Variants in CD33 observed in about 807,000 individuals in gnomAD.
CD33 encodes the protein CD33 molecule, also known as myeloid cell surface antigen CD33.
In CD33, 25 loss-of-function variants were observed where a neutral mutation model predicts 31.4. The observed-to-expected ratio is 0.80, with a 90% confidence interval of 0.58 to 1.11. The LOEUF is 1.11. Ranked by LOEUF, CD33 falls within the 50% of genes most tolerant of loss-of-function variation. The pLI is 0.00. For missense variants in CD33, 407 were observed against 448.1 expected, an observed-to-expected ratio of 0.91 and a Z score of 0.83; for synonymous variants, 176 against 180.6, an observed-to-expected ratio of 0.97 and a Z score of 0.20.
chr19:51,211,264 C>T, the CD33 span: 13 of 1,576,588 alleles, frequency 8.2e-6, 1 homozygote, highest in Non-Finnish European at 1.1e-5. Flanking sequence ...AGTGACGGTA[C>T]AGGAGGGTTT....
At chr19:51,214,937 T>C in the CD33 span, among the ~76,000 whole-genome samples, 1 of 152,238 alleles carries the variant, frequency 6.6e-6, no homozygotes, top group Non-Finnish European at 1.5e-5. Context: ...CAGGGATGCC[T>C]GAAGGGTCTG....
At chr19:51,219,152 G>T in the CD33 span, among the ~76,000 whole-genome samples, 1 of 152,102 alleles carries the variant, frequency 6.6e-6, no homozygotes, top group East Asian at 1.9e-4. Flanking sequence ...TCTGATCCAT[G>T]AGCACGGGAT....
chr19:51,238,758 A>C (rs1360305983), intron 6 of CD33: 1 of 152,260 alleles, frequency 6.6e-6, no homozygotes, highest in Non-Finnish European at 1.5e-5. Context: ...TGTGAGTTGA[A>C]GGACTCTTTT....
the CD33 span, among the ~76,000 whole-genome samples, chr19:51,215,054 T>C: frequency 6.6e-6 from 1 of 152,076 alleles, no homozygotes; most frequent in Non-Finnish European, 1.5e-5. Context: ...GTGACAAAGG[T>C]GGTTCTTGTG....
upstream of CD33, among the ~76,000 whole-genome samples, chr19:51,224,103 G>A (rs558920573): frequency 1.4e-4 from 22 of 152,062 alleles, no homozygotes; most frequent in Admixed American, 3.9e-4. Flanking sequence ...GTTTCTGGCC[G>A]AGTTAAGTCA....
the CD33 span, among the ~76,000 whole-genome samples, chr19:51,217,750 A>G: frequency 3.3e-5 from 5 of 152,332 alleles, no homozygotes; most frequent in Middle Eastern, 6.8e-3. Flanking sequence ...CTCTATGCCC[A>G]TGTATACACA....
In CD33 at chr19:51,226,277, C is replaced by T. The variant is rs1385914218; in HGVS notation, c.698-32C>T. 6 of 1,606,730 alleles carry T rather than the reference C, an allele frequency of 3.7e-6. No homozygotes were observed. In the South Asian group the frequency reaches 5.5e-5, roughly 15 times the overall value. Reference sequence around the variant, plus strand: ...CCTACCCTTATCTCATCTCTACCCCCAACTGAAGGAAATCCTCTCTTCCTC... The same window carrying T: ...CCTACCCTTATCTCATCTCTACCCCTAACTGAAGGAAATCCTCTCTTCCTC... On this transcript the variant is annotated intron_variant, in intron 3 of 6. Transcript: ENST00000262262.
At position 51,239,795 on chromosome 19, in the gene CD33, T is replaced by C; in HGVS notation, c.*107T>C. The C allele has an allele frequency of 3.7e-6, 3 of 810,402 alleles. No homozygotes were observed. In the Admixed American group the frequency reaches 9.2e-5, roughly 25 times the overall value. The allele number at this position is 810,402 out of a possible 1,614,324, so 50.2% of individuals were successfully genotyped here. On this transcript the variant is annotated 3_prime_UTR_variant, in exon 7 of 7. Transcript: ENST00000262262. Reference sequence around the variant, plus strand: ...TAACACCCCACAGGCAATGGGTTTATAGACATTATGTGAGTTTCCTGCTAT... The same window carrying C: ...TAACACCCCACAGGCAATGGGTTTACAGACATTATGTGAGTTTCCTGCTAT...
Position 51,235,139 on chromosome 19 carries a change from AATCTT to A in CD33, c.746-17_746-13del. 6.2e-7 allele frequency: 1 copy of A among 1,606,842 alleles called. No homozygotes were observed. The highest frequency in any genetic ancestry group is 8.5e-7 in the Non-Finnish European group (1 of 1,173,396). Reference sequence around the variant, plus strand: ...TTTATCTAGATTAGAATTCACCCCAAATCTTTTTTGTCTGCAGGGAAACAAGAGAC... The same window carrying A: ...TTTATCTAGATTAGAATTCACCCCAATTTTGTCTGCAGGGAAACAAGAGAC... On this transcript the variant is annotated splice_polypyrimidine_tract_variant and intron_variant, in intron 4 of 6. Coordinates refer to ENST00000262262, the MANE Select transcript of CD33 (RefSeq NM_001772.4).
chr19:51,226,497 G>T, intron 4 of CD33, 141 bp downstream of exon 4: 1 of 650,502 alleles, frequency 1.5e-6, no homozygotes. Flanking sequence ...CCTTGGAAAA[G>T]GATATTTGGG....
chr19:51,223,772 G>A (rs1257329635), upstream of CD33, among the ~76,000 whole-genome samples: 1 of 152,178 alleles, frequency 6.6e-6, no homozygotes, highest in African/African-American at 2.4e-5. Flanking sequence ...AGATGTCATT[G>A]ACACTGTGCA....
chr19:51,226,358 T>A lies in CD33; in HGVS notation c.745+2T>A. The A allele has an allele frequency of 6.2e-7, 1 of 1,612,996 alleles. No homozygotes were observed. The highest frequency in any genetic ancestry group is 1.7e-4 in the Middle Eastern group (1 of 6,060). On this transcript the variant is annotated splice_donor_variant, in intron 4 of 6. Transcript: ENST00000262262. LOFTEE classifies it high-confidence loss of function. ...GTATCTTTCCAGGAGATGGCTCAGGTAGGAAGGAGCCTCCCCGCCTGGGGC... is the reference window on the plus strand; with the variant it reads ...GTATCTTTCCAGGAGATGGCTCAGGAAGGAAGGAGCCTCCCCGCCTGGGGC...
At chr19:51,213,619 C>T in the CD33 span, among the ~76,000 whole-genome samples, 1 of 152,104 alleles carries the variant, frequency 6.6e-6, no homozygotes, top group Non-Finnish European at 1.5e-5. Flanking sequence ...CCACTGCAAC[C>T]TCCACCTCCC....
intron 4 of CD33, among the ~76,000 whole-genome samples, chr19:51,227,358 T>G (rs1171019410): frequency 6.6e-6 from 1 of 152,220 alleles, no homozygotes; most frequent in East Asian, 1.9e-4. Flanking sequence ...AGTTCCCTCT[T>G]CTCTACATCC....
chr19:51,212,227 G>A, the CD33 span: 1 of 305,706 alleles, frequency 3.3e-6, no homozygotes, highest in Non-Finnish European at 6.3e-6. Context: ...ACATTTCTGT[G>A]GCTTCTGGGG....
chr19:51,235,291 GAA>G, intron 5 of CD33, 38 bp downstream of exon 5: 1 of 1,565,436 alleles, frequency 6.4e-7, no homozygotes. Flanking sequence ...GGCCAGAGGT[GAA>G]GAGGATGGAC....
chr19:51,224,707 A>G (rs1980858490), upstream of CD33, among the ~76,000 whole-genome samples: 1 of 152,138 alleles, frequency 6.6e-6, no homozygotes, highest in South Asian at 2.1e-4. Flanking sequence ...TAAACACCCC[A>G]TGGATCTAGG....
At chr19:51,217,394 TTTG>T in the CD33 span, among the ~76,000 whole-genome samples, 25 of 152,080 alleles carry the variant, frequency 1.6e-4, no homozygotes, top group Non-Finnish European at 3.2e-4. Context: ...TTGTTTTTGT[TTTG>T]TTGTTGTTGT....
the CD33 span, among the ~76,000 whole-genome samples, chr19:51,218,827 T>C: frequency 3.3e-5 from 5 of 152,190 alleles, no homozygotes; most frequent in African/African-American, 1.2e-4. Flanking sequence ...AAAAGTCAGG[T>C]AGCTGTAAGT....
Sources: gnomAD v4.1 joint callset for allele counts (sites outside exome capture counted in the v4.1 genomes callset) on GRCh38, gnomAD v4.1.1 for gene constraint, MANE v1.5 for transcripts, NCBI Gene and HGNC (gene_info 2026-07-23, HGNC 2026-07-21) for gene names.